The following OTUD6A variants were observed in gnomAD, a reference collection of about 807,000 sequenced individuals.
The protein encoded by OTUD6A is OTU deubiquitinase 6A.
For missense variants in OTUD6A, 209 were observed against 268.2 expected, an observed-to-expected ratio of 0.78 and a Z score of 1.54; for synonymous variants, 138 against 120.2, an observed-to-expected ratio of 1.15 and a Z score of -0.97.
At position 70,063,535 on chromosome X, in the gene OTUD6A, C is replaced by G. The variant is rs1335789852; in HGVS notation, c.*144C>G. ...ACTACCCGCCCCCGCCCCGCCCCCG[C>G]TTTCCTAACCTTGCTGCTTTCACAG... is the stretch of plus-strand genomic sequence containing the variant. On this transcript the variant is annotated 3_prime_UTR_variant, in exon 1 of 1. Transcript: ENST00000338352. 6.7e-5 allele frequency: 51 copies of G among 761,831 alleles called. No individual in the cohort carries two copies. Among genetic ancestry groups the G allele is most frequent in the Non-Finnish European group, 8.7e-5 (48 of 549,520 alleles). The allele number at this position is 761,831 out of a possible 1,213,427, so 62.8% of individuals were successfully genotyped here.
At position 70,062,877 on chromosome X, in the gene OTUD6A, C is replaced by T. The variant is rs916091892; in HGVS notation, c.353C>T (p.Ser118Leu). The T allele has an allele frequency of 8.4e-7, 1 of 1,188,529 alleles. No individual in the cohort carries two copies. The highest frequency in any genetic ancestry group is 1.1e-6 in the Non-Finnish European group (1 of 884,129). ...RQESIFQAEM[S>L]EHLAGFKREE... ...GAGAGCATCTTCCAGGCTGAGATGTCGGAGCACCTGGCCGGCTTCAAGCGC... is the reference window on the plus strand; with the variant it reads ...GAGAGCATCTTCCAGGCTGAGATGTTGGAGCACCTGGCCGGCTTCAAGCGC... The change falls in exon 1 of 1, where the codon TCG becomes TTG. Residue 118 changes from serine (S) to leucine (L), a missense_variant. Coordinates refer to ENST00000338352, the MANE Select transcript of OTUD6A (RefSeq NM_207320.3).
rs142480469 is a variant in OTUD6A at position 70,063,239 on chromosome X, G to A, written c.715G>A (p.Asp239Asn). 4 of 1,209,958 alleles carry A rather than the reference G, an allele frequency of 3.3e-6. No homozygotes were observed. Among genetic ancestry groups the A allele is most frequent in the African/African-American group, 3.5e-5 (2 of 57,300 alleles). ...GACCCCCATCGAGGTGATCCAGGCC[G>A]ACTCGCCCACCTTGATCATCGGGGA... is the stretch of plus-strand genomic sequence containing the variant. Reference protein sequence around the residue: ...LKTPIEVIQADSPTLIIGEEY... With the variant: ...LKTPIEVIQANSPTLIIGEEY... The change falls in exon 1 of 1, where the codon GAC becomes AAC. Residue 239 changes from aspartate (D) to asparagine (N), a missense_variant. Transcript: ENST00000338352.
rs1217807861 is a variant in OTUD6A at position 70,062,971 on chromosome X, C to T, written c.447C>T (p.Asp149=). Reference sequence around the variant, plus strand: ...TGGAGATGAAAGCGATCCCGGCCGACGGCCACTGCATGTACCGCGCCATCC... The same window carrying T: ...TGGAGATGAAAGCGATCCCGGCCGATGGCCACTGCATGTACCGCGCCATCC... The part of the protein sequence containing the change: ...RGLEMKAIPA[D]GHCMYRAIQD... Residue 149 remains aspartate, a synonymous_variant, in exon 1 of 1, where the codon GAC becomes GAT. Coordinates refer to ENST00000338352, the MANE Select transcript of OTUD6A (RefSeq NM_207320.3). 1 of 1,207,942 alleles carries T rather than the reference C, an allele frequency of 8.3e-7. No individual in the cohort carries two copies. The highest frequency in any genetic ancestry group is 1.1e-6 in the Non-Finnish European group (1 of 893,720).
Position 70,063,671 on chromosome X carries a change from G to A in OTUD6A, c.*280G>A. ...GTTCTAACCTCTTCTTGCCCTTAAGGGTCTTTTACCTCCCTCACCAACTAA... is the reference window on the plus strand; with the variant it reads ...GTTCTAACCTCTTCTTGCCCTTAAGAGTCTTTTACCTCCCTCACCAACTAA... On this transcript the variant is annotated 3_prime_UTR_variant, in exon 1 of 1. Transcript: ENST00000338352. The A allele has an allele frequency of 9.6e-6, 3 of 313,097 alleles. No homozygotes were observed. The highest frequency in any genetic ancestry group is 1.7e-5 in the Non-Finnish European group (3 of 174,018). The allele number at this position is 313,097 out of a possible 1,213,427, so 25.8% of individuals were successfully genotyped here. A position where few individuals can be genotyped will look rare whatever the true frequency, so the allele number is the denominator to read the frequency against.
chrX:70,064,130 G>A lies in OTUD6A; in HGVS notation c.*739G>A, dbSNP rs2020466532. The A allele has an allele frequency of 9.0e-6, 1 of 110,600 alleles. No individual in the cohort carries two copies. Among genetic ancestry groups the A allele is most frequent in the Admixed American group, 9.5e-5 (1 of 10,520 alleles). 9.1% of individuals were successfully genotyped at this position (110,600 alleles called of 1,213,427 possible). On this transcript the variant is annotated 3_prime_UTR_variant, in exon 1 of 1. Transcript: ENST00000338352. ...CGGGAGGCGGAGGCTGCAGTGGGCC[G>A]GGATCGTACTACTGCACTCCAGCAT...
rs2020460847 is a variant in OTUD6A, at chrX:70,063,400, G to A, written c.*9G>A. On this transcript the variant is annotated 3_prime_UTR_variant, in exon 1 of 1. Coordinates refer to ENST00000338352, the MANE Select transcript of OTUD6A (RefSeq NM_207320.3). ...TCCCGCGTCTCCTGTAGGCCCCAAG[G>A]CGCTGAGCAGCCCCGGGAAACTGTC... is the stretch of plus-strand genomic sequence containing the variant. 1 of 1,167,405 alleles carries A rather than the reference G, an allele frequency of 8.6e-7. No homozygotes were observed. Among genetic ancestry groups the A allele is most frequent in the Non-Finnish European group, 1.1e-6 (1 of 871,709 alleles).
Position 70,063,250 on chromosome X carries a change from C to T in OTUD6A, c.726C>T (p.Thr242=). ...PIEVIQADSP[T]LIIGEEYVKK... ...AGGTGATCCAGGCCGACTCGCCCAC[C>T]TTGATCATCGGGGAGGAGTACGTCA... The change falls in exon 1 of 1, where the codon ACC becomes ACT. Residue 242 remains threonine (T), a synonymous_variant. Coordinates refer to ENST00000338352, the MANE Select transcript of OTUD6A (RefSeq NM_207320.3). The T allele has an allele frequency of 8.3e-7, 1 of 1,211,751 alleles. No homozygotes were observed. The highest frequency in any genetic ancestry group is 1.1e-6 in the Non-Finnish European group (1 of 895,586).
rs1227497089 is a variant in OTUD6A at position 70,062,639 on chromosome X, A to C, written c.115A>C (p.Thr39Pro). The C allele has an allele frequency of 8.3e-7, 1 of 1,209,451 alleles. No homozygotes were observed. Among genetic ancestry groups the C allele is most frequent in the Admixed American group, 2.2e-5 (1 of 45,774 alleles). ...LKNSVPKTDK[T>P]KRKQLLQDVA... is the part of the protein sequence containing the mutation. ...AAACTCGGTCCCCAAGACCGACAAG[A>C]CGAAAAGAAAGCAGTTGCTCCAAGA... The change falls in exon 1 of 1, where the codon ACG (threonine) becomes CCG (proline). Residue 39 changes from threonine (T) to proline (P), a missense_variant. Transcript: ENST00000338352.
Position 70,062,892 on chromosome X carries a change from G to A in OTUD6A, c.368G>A (p.Gly123Asp), listed in dbSNP as rs2020456517. The A allele has an allele frequency of 2.5e-6, 3 of 1,187,110 alleles. No individual in the cohort carries two copies. Among genetic ancestry groups the A allele is most frequent in the Non-Finnish European group, 3.4e-6 (3 of 883,309 alleles). ...GCTGAGATGTCGGAGCACCTGGCCGGCTTCAAGCGCGAGGAGGAGGAGAAG... is the reference window on the plus strand; with the variant it reads ...GCTGAGATGTCGGAGCACCTGGCCGACTTCAAGCGCGAGGAGGAGGAGAAG... ...FQAEMSEHLA[G>D]FKREEEEKLA... Residue 123 changes from glycine to aspartate, a missense_variant, in exon 1 of 1, where the codon GGC becomes GAC. Physicochemically the swap from Gly to Asp is moderately conservative, Grantham distance 94. Transcript: ENST00000338352.
rs758381286 is a variant in OTUD6A at position 70,063,067 on chromosome X, C to T, written c.543C>T (p.His181=). The T allele has an allele frequency of 1.7e-6, 2 of 1,210,391 alleles. No individual in the cohort carries two copies. The highest frequency in any genetic ancestry group is 2.2e-5 in the Admixed American group (1 of 45,926). ...GCACCGCCAGCTACATGAAGAAGCA[C>T]GTCGACGAGTTCCTGCCCTTCTTCA... ...RCRTASYMKK[H]VDEFLPFFSN... is the part of the protein sequence containing the mutation. The change falls in exon 1 of 1, where the codon CAC becomes CAT. Residue 181 remains histidine, a synonymous_variant. Coordinates refer to ENST00000338352, the MANE Select transcript of OTUD6A (RefSeq NM_207320.3).
Position 70,063,515 on chromosome X carries a change from C to A in OTUD6A, c.*124C>A. The A allele has an allele frequency of 1.2e-6, 1 of 862,936 alleles. No individual in the cohort carries two copies. Among genetic ancestry groups the A allele is most frequent in the Non-Finnish European group, 1.6e-6 (1 of 639,812 alleles). The allele number at this position is 862,936 out of a possible 1,213,427, so 71.1% of individuals were successfully genotyped here. ...TTTCCTTCCTTTTAATCAAAACTAC[C>A]CGCCCCCGCCCCGCCCCCGCTTTCC... On this transcript the variant is annotated 3_prime_UTR_variant, in exon 1 of 1. Coordinates refer to ENST00000338352, the MANE Select transcript of OTUD6A (RefSeq NM_207320.3).
chrX:70,063,473 C>T lies in OTUD6A; in HGVS notation c.*82C>T. ...AGGCTCAGTTTATTTTCCCCTTTTGCTTTTCTCTGTTTTTCTTTTCCTTCC... is the reference window on the plus strand; with the variant it reads ...AGGCTCAGTTTATTTTCCCCTTTTGTTTTTCTCTGTTTTTCTTTTCCTTCC... On this transcript the variant is annotated 3_prime_UTR_variant, in exon 1 of 1. Coordinates refer to ENST00000338352, the MANE Select transcript of OTUD6A (RefSeq NM_207320.3). 1.9e-6 allele frequency: 2 copies of T among 1,030,249 alleles called. No homozygotes were observed. The highest frequency in any genetic ancestry group is 3.4e-5 in the East Asian group (1 of 29,648). The allele number at this position is 1,030,249 out of a possible 1,213,427, so 84.9% of individuals were successfully genotyped here. A position where few individuals can be genotyped will look rare whatever the true frequency, so the allele number is the denominator to read the frequency against.
rs748197149 is a variant in OTUD6A, at chrX:70,062,737, C to T, written c.213C>T (p.Ser71=). ...TGGAGAAGTTCCAAGACGACAGTAGCATTGAATCTGTCGTCGAAGACCTGG... is the reference window on the plus strand; with the variant it reads ...TGGAGAAGTTCCAAGACGACAGTAGTATTGAATCTGTCGTCGAAGACCTGG... ...QELEKFQDDS[S]IESVVEDLAK... is the part of the protein sequence containing the mutation. Residue 71 remains serine, a synonymous_variant, in exon 1 of 1, where the codon AGC becomes AGT. Transcript: ENST00000338352. 16 of 1,210,452 alleles carry T rather than the reference C, an allele frequency of 1.3e-5. No homozygotes were observed. The East Asian group carries it at 4.4e-4, about 34-fold the overall frequency.
chrX:70,062,848 C>G lies in OTUD6A; in HGVS notation c.324C>G (p.Arg108=). The change falls in exon 1 of 1, where the codon CGC becomes CGG. Residue 108 remains arginine, a synonymous_variant. Coordinates refer to ENST00000338352, the MANE Select transcript of OTUD6A (RefSeq NM_207320.3). ...GAATGGAGTCCGAGGAGAGGGAGCG[C>G]CAGGAGAGCATCTTCCAGGCTGAGA... ...RERMESEERE[R]QESIFQAEMS... 8.4e-7 allele frequency: 1 copy of G among 1,195,449 alleles called. No individual in the cohort carries two copies. Among genetic ancestry groups the G allele is most frequent in the Non-Finnish European group, 1.1e-6 (1 of 887,397 alleles).
Position 70,063,404 on chromosome X carries a change from T to TG in OTUD6A, c.*14dup. The TG allele has an allele frequency of 1.7e-6, 2 of 1,163,832 alleles. No homozygotes were observed. The highest frequency in any genetic ancestry group is 2.3e-6 in the Non-Finnish European group (2 of 869,898). The stretch of plus-strand genomic sequence containing the variant: ...GCGTCTCCTGTAGGCCCCAAGGCGC[T>TG]GAGCAGCCCCGGGAAACTGTCGCCG... On this transcript the variant is annotated 3_prime_UTR_variant, in exon 1 of 1. Transcript: ENST00000338352.
rs1264299771 is a variant in OTUD6A, at chrX:70,062,972, G to A, written c.448G>A (p.Gly150Ser). Residue 150 changes from glycine to serine, a missense_variant, in exon 1 of 1, where the codon GGC becomes AGC. Gly to Ser is a moderately conservative substitution (Grantham distance 56). Coordinates refer to ENST00000338352, the MANE Select transcript of OTUD6A (RefSeq NM_207320.3). ...GLEMKAIPAD[G>S]HCMYRAIQDQ... Reference sequence around the variant, plus strand: ...GGAGATGAAAGCGATCCCGGCCGACGGCCACTGCATGTACCGCGCCATCCA... The same window carrying A: ...GGAGATGAAAGCGATCCCGGCCGACAGCCACTGCATGTACCGCGCCATCCA... 8.3e-7 allele frequency: 1 copy of A among 1,208,183 alleles called. No homozygotes were observed. Among genetic ancestry groups the A allele is most frequent in the Non-Finnish European group, 1.1e-6 (1 of 893,917 alleles).
Position 70,062,659 on chromosome X carries a change from C to A in OTUD6A, c.135C>A (p.Leu45=). ...KTDKTKRKQL[L]QDVARMEAEM... Reference sequence around the variant, plus strand: ...ACAAGACGAAAAGAAAGCAGTTGCTCCAAGACGTGGCCCGCATGGAGGCCG... The same window carrying A: ...ACAAGACGAAAAGAAAGCAGTTGCTACAAGACGTGGCCCGCATGGAGGCCG... Residue 45 remains leucine (L), a synonymous_variant, in exon 1 of 1, where the codon CTC becomes CTA. Transcript: ENST00000338352. The A allele has an allele frequency of 8.3e-7, 1 of 1,211,390 alleles. No homozygotes were observed. Among genetic ancestry groups the A allele is most frequent in the African/African-American group, 1.7e-5 (1 of 57,865 alleles).
At position 70,063,364 on chromosome X, in the gene OTUD6A, C is replaced by CG; in HGVS notation, c.845dup (p.Val283ArgfsTer45). The CG allele has an allele frequency of 8.4e-7, 1 of 1,196,258 alleles. No homozygotes were observed. The highest frequency in any genetic ancestry group is 1.1e-6 in the Non-Finnish European group (1 of 887,191). On this transcript the variant is annotated frameshift_variant, in exon 1 of 1. Coordinates refer to ENST00000338352, the MANE Select transcript of OTUD6A (RefSeq NM_207320.3). LOFTEE classifies it low-confidence loss of function (END_TRUNC). ...TGACACCGCTCGAGGCCGGCGCCGC[C>CG]GGGGGCGTGCTCCCGCGTCTCCTGT... is the stretch of plus-strand genomic sequence containing the variant.
In OTUD6A at chrX:70,063,395, C is replaced by T. The variant is rs775191822; in HGVS notation, c.*4C>T. The T allele has an allele frequency of 4.3e-6, 5 of 1,175,674 alleles. No homozygotes were observed. Among genetic ancestry groups the T allele is most frequent in the Middle Eastern group, 2.6e-4 (1 of 3,776 alleles). The stretch of plus-strand genomic sequence containing the variant: ...CGTGCTCCCGCGTCTCCTGTAGGCC[C>T]CAAGGCGCTGAGCAGCCCCGGGAAA... On this transcript the variant is annotated 3_prime_UTR_variant, in exon 1 of 1. Coordinates refer to ENST00000338352, the MANE Select transcript of OTUD6A (RefSeq NM_207320.3).
Sources: gnomAD v4.1 joint callset for allele counts on GRCh38, gnomAD v4.1.1 for gene constraint, MANE v1.5 for transcripts, NCBI Gene and HGNC (gene_info 2026-07-23, HGNC 2026-07-21) for gene names.